PDE4D: variants seen among roughly 807,000 people sequenced by gnomAD.
PDE4D encodes 3',5'-cyclic-AMP phosphodiesterase 4D.
In PDE4D, 24 loss-of-function variants were observed where a neutral mutation model predicts 87.4. The ratio of observed to expected loss-of-function variants is 0.27; its 90% confidence interval spans 0.20 to 0.39. The LOEUF (loss-of-function observed/expected upper bound fraction) is 0.39, where lower values mean the gene tolerates loss of function less well. Among genes scored for constraint, PDE4D ranks in the 10% least tolerant of loss-of-function variants. The pLI is 1.00. For missense variants in PDE4D, 714 were observed against 1,041.0 expected, an observed-to-expected ratio of 0.69 and a Z score of 4.32; for synonymous variants, 384 against 383.2, an observed-to-expected ratio of 1.00 and a Z score of -0.02.
chr5:59,086,929 CTG>C (rs1767800542), intron 5 of PDE4D, among the ~76,000 whole-genome samples: 1 of 152,054 alleles, frequency 6.6e-6, no homozygotes, highest in African/African-American at 2.4e-5. Flanking sequence ...TTCCTGGTAC[CTG>C]TCTTTCCCCT....
intron 1 of PDE4D, among the ~76,000 whole-genome samples, chr5:60,371,055 G>A (rs1045447669): frequency 3.9e-5 from 6 of 152,136 alleles, no homozygotes; most frequent in Non-Finnish European, 1.5e-5. Flanking sequence ...CATATGATTT[G>A]ATTAAAATGA....
chr5:60,518,687 T>C (rs1426614045), intron 1 of PDE4D, among the ~76,000 whole-genome samples: 2 of 152,186 alleles, frequency 1.3e-5, no homozygotes, highest in African/African-American at 2.4e-5. Context: ...TGGAAATGCC[T>C]GGTGTTATTT....
intron 2 of PDE4D, among the ~76,000 whole-genome samples, chr5:60,039,892 A>G (rs1768266405): frequency 6.6e-6 from 1 of 152,206 alleles, no homozygotes. Flanking sequence ...TTACAGCACA[A>G]TGGCTGCCCA....
chr5:59,382,025 T>C (rs1785970218), intron 1 of PDE4D, among the ~76,000 whole-genome samples: 1 of 152,136 alleles, frequency 6.6e-6, no homozygotes, highest in African/African-American at 2.4e-5. Context: ...CATTGTAGAT[T>C]ACATGCCTGG....
intron 1 of PDE4D, among the ~76,000 whole-genome samples, chr5:60,263,489 C>A (rs1160040558): frequency 6.6e-6 from 1 of 151,658 alleles, no homozygotes; most frequent in Admixed American, 6.6e-5. Context: ...TCTCCAGTAG[C>A]AGTGGGAGAT....
intron 1 of PDE4D, among the ~76,000 whole-genome samples, chr5:59,297,899 A>G (rs1769400039): frequency 6.6e-6 from 1 of 152,112 alleles, no homozygotes; most frequent in Non-Finnish European, 1.5e-5. Flanking sequence ...GCAAAGAGAC[A>G]CCTGGAGTAA....
chr5:59,709,905 A>G (rs1184011301), intron 1 of PDE4D, among the ~76,000 whole-genome samples: 1 of 152,212 alleles, frequency 6.6e-6, no homozygotes, highest in Non-Finnish European at 1.5e-5. Context: ...GCAGGAGACC[A>G]CCTAAGGAAA....
At chr5:60,282,235 A>ATATATG (rs1490291783) in intron 1 of PDE4D, among the ~76,000 whole-genome samples, 1,576 of 132,032 alleles carry the variant, frequency 0.012, 13 homozygotes, top group Middle Eastern at 0.039. Flanking sequence ...ATATATATAT[A>ATATATG]TATTTCTCAA....
At chr5:59,843,624 A>T (rs1032117858) in intron 1 of PDE4D, among the ~76,000 whole-genome samples, 1 of 152,092 alleles carries the variant, frequency 6.6e-6, no homozygotes, top group East Asian at 1.9e-4. Context: ...AACACCTCTG[A>T]AAGTTGTAAT....
At chr5:60,014,250 C>T (rs1468173560) in intron 2 of PDE4D, among the ~76,000 whole-genome samples, 2 of 152,098 alleles carry the variant, frequency 1.3e-5, no homozygotes, top group Admixed American at 6.6e-5. Context: ...CAGCTATTGA[C>T]TAAATGTAGC....
At chr5:60,308,925 T>G (rs1754750616) in intron 1 of PDE4D, among the ~76,000 whole-genome samples, 1 of 152,154 alleles carries the variant, frequency 6.6e-6, no homozygotes, top group Non-Finnish European at 1.5e-5. Flanking sequence ...GATTTAGTGA[T>G]AAACTCTTCT....
At chr5:59,709,977 C>T (rs1753969168) in intron 1 of PDE4D, among the ~76,000 whole-genome samples, 1 of 152,148 alleles carries the variant, frequency 6.6e-6, no homozygotes, top group African/African-American at 2.4e-5. Context: ...CTTCTGTGGG[C>T]ACAGCATGGT....
intron 6 of PDE4D, among the ~76,000 whole-genome samples, chr5:59,023,085 GA>G (rs1755514379): frequency 6.6e-6 from 1 of 151,596 alleles, no homozygotes; most frequent in African/African-American, 2.4e-5. Flanking sequence ...TGAGGCAGGA[GA>G]ATTGCTTGAA....
In PDE4D at chr5:58,973,035, G is replaced by T. The variant is rs1329096001; in HGVS notation, c.*1629C>A. 6.6e-6 allele frequency: 1 copy of T among 152,160 alleles called. No individual in the cohort carries two copies. Among genetic ancestry groups the T allele is most frequent in the African/African-American group, 2.4e-5 (1 of 41,440 alleles). The allele number at this position is 152,160 out of a possible 1,614,324, so 9.4% of individuals were successfully genotyped here. ...TAAAGGACTTCCTACACGTTATGTG[G>T]CTGTCCATTAAGGAAGAGTAGTTGC... On this transcript the variant is annotated 3_prime_UTR_variant, in exon 15 of 15. Transcript: ENST00000340635.
At chr5:59,887,334 C>T (rs556098259) in intron 1 of PDE4D, among the ~76,000 whole-genome samples, 1 of 152,228 alleles carries the variant, frequency 6.6e-6, no homozygotes, top group East Asian at 1.9e-4. Flanking sequence ...GGTAAAGTGG[C>T]TTATTCTTCG....
At chr5:59,829,174 C>A (rs539373678) in intron 1 of PDE4D, among the ~76,000 whole-genome samples, 4 of 152,104 alleles carry the variant, frequency 2.6e-5, no homozygotes, top group African/African-American at 9.6e-5. Flanking sequence ...AACACATGCA[C>A]ACACACTTGT....
At chr5:60,492,240 G>A (rs1302351752), upstream of PDE4D, among the ~76,000 whole-genome samples, 1 of 151,896 alleles carries the variant, frequency 6.6e-6, no homozygotes, top group Non-Finnish European at 1.5e-5. Flanking sequence ...ACCACCCTGA[G>A]CAACACAGCA....
chr5:59,957,954 G>A (rs1759030874), intron 3 of PDE4D, among the ~76,000 whole-genome samples: 1 of 152,076 alleles, frequency 6.6e-6, no homozygotes, highest in Admixed American at 6.5e-5. Context: ...CTGATTTATA[G>A]AGATAACAGA....
chr5:59,955,473 T>G (rs1298776545), intron 3 of PDE4D, among the ~76,000 whole-genome samples: 2 of 152,098 alleles, frequency 1.3e-5, no homozygotes, highest in East Asian at 3.9e-4. Flanking sequence ...CTGCCCAAAA[T>G]AGGGAGGGAA....
Sources: allele counts gnomAD v4.1 joint callset (sites outside exome capture counted in the v4.1 genomes callset), GRCh38; gene constraint gnomAD v4.1.1; transcripts MANE v1.5; gene names NCBI Gene and HGNC (gene_info 2026-07-23, HGNC 2026-07-21).